SLC7A7: variants seen among roughly 807,000 people sequenced by gnomAD.
SLC7A7 encodes Y+L amino acid transporter 1.
In SLC7A7, 39 loss-of-function variants were observed where a neutral mutation model predicts 47.9. The ratio of observed to expected loss-of-function variants is 0.81; its 90% CI spans 0.63 to 1.06. The LOEUF (loss-of-function observed/expected upper bound fraction) is 1.06, where lower values mean the gene tolerates loss of function less well. Among genes scored for constraint, SLC7A7 ranks in the 50% least tolerant of loss-of-function variants. The pLI is 0.00. For synonymous variants in SLC7A7, 234 were observed against 242.8 expected, an observed-to-expected ratio of 0.96 and a Z score of 0.34; for missense variants, 588 against 632.0, an observed-to-expected ratio of 0.93 and a Z score of 0.75.
intron 2 of SLC7A7, among the ~76,000 whole-genome samples, chr14:22,802,586 C>T (rs67573838): frequency 0.2 from 30,688 of 152,034 alleles, 3,318 homozygotes; most frequent in South Asian, 0.28. Flanking sequence ...TAATAGGTCT[C>T]ATTGGTTGTA....
At chr14:22,780,738 C>T (rs192768828) in intron 2 of SLC7A7, among the ~76,000 whole-genome samples, 56 of 152,314 alleles carry the variant, frequency 3.7e-4, no homozygotes, top group African/African-American at 1.3e-3. Context: ...TTTAAAAGTA[C>T]CTTTTATCAG....
At chr14:22,806,896 T>TA (rs11395030) in intron 2 of SLC7A7, among the ~76,000 whole-genome samples, 3 of 8,732 alleles carry the variant, frequency 3.4e-4, no homozygotes, top group Non-Finnish European at 1.1e-3. Flanking sequence ...CACTGTTAAC[T>TA]TTTTTTTTTT....
intron 2 of SLC7A7, among the ~76,000 whole-genome samples, chr14:22,787,064 C>T (rs553955813): frequency 9.9e-5 from 15 of 152,224 alleles, no homozygotes; most frequent in Admixed American, 9.2e-4. Flanking sequence ...TTTATTAGTT[C>T]AAATCCCTTC....
At chr14:22,813,481 C>A in intron 1 of SLC7A7, 41 bp from the exon 2 acceptor site, 1 of 1,557,182 alleles carries the variant, frequency 6.4e-7, no homozygotes, top group East Asian at 2.3e-5. Flanking sequence ...AGGTGGTTGG[C>A]AATTACATAG....
At chr14:22,805,156 A>G (rs2039179934) in intron 2 of SLC7A7, among the ~76,000 whole-genome samples, 1 of 148,974 alleles carries the variant, frequency 6.7e-6, no homozygotes, top group Non-Finnish European at 1.5e-5. Flanking sequence ...CCACAAGGTC[A>G]GGAGTTCAAG....
At chr14:22,775,576 G>C in intron 6 of SLC7A7, 36 bp from the exon 7 acceptor site, 2 of 1,560,890 alleles carry the variant, frequency 1.3e-6, no homozygotes, top group South Asian at 2.2e-5. Context: ...TGAGAAAATT[G>C]GTGGACACGG....
intron 4 of SLC7A7, among the ~76,000 whole-genome samples, chr14:22,776,980 CAAA>C (rs34004476): frequency 1.4e-5 from 2 of 139,790 alleles, no homozygotes; most frequent in African/African-American, 5.3e-5. Context: ...AAAAACAAAC[CAAA>C]AAAAAAAAAA....
intron 2 of SLC7A7, among the ~76,000 whole-genome samples, chr14:22,790,099 T>A (rs537247558): frequency 3.3e-5 from 5 of 151,730 alleles, no homozygotes; most frequent in African/African-American, 1.2e-4. Flanking sequence ...GAGGCCAGGG[T>A]GGGCTGATCC....
intron 2 of SLC7A7, among the ~76,000 whole-genome samples, chr14:22,803,565 G>A (rs1162531105): frequency 6.6e-6 from 1 of 152,212 alleles, no homozygotes; most frequent in Non-Finnish European, 1.5e-5. Flanking sequence ...CTTCCTTGCA[G>A]AAGAAACAAA....
At chr14:22,790,003 A>G (rs1232342421) in intron 2 of SLC7A7, among the ~76,000 whole-genome samples, 2 of 152,130 alleles carry the variant, frequency 1.3e-5, no homozygotes, top group Non-Finnish European at 2.9e-5. Flanking sequence ...CAGCCACTCA[A>G]TTGGTGGTAA....
At chr14:22,812,422 C>T (rs1011298397) in intron 2 of SLC7A7, among the ~76,000 whole-genome samples, 9 of 151,900 alleles carry the variant, frequency 5.9e-5, no homozygotes, top group Admixed American at 4.6e-4. Context: ...CCACTTCAGC[C>T]TCCCAAAGTG....
At chr14:22,818,261 G>T (rs527687809), upstream of SLC7A7, among the ~76,000 whole-genome samples, 6 of 149,486 alleles carry the variant, frequency 4.0e-5, no homozygotes, top group African/African-American at 1.3e-4. Context: ...TCTGCTGGGG[G>T]TAAAACCCAC....
rs11568428 is a variant in SLC7A7, at chr14:22,779,873, G to A, written c.625+53C>T. ...GCACAAAGAGCACTTAGAGGAGTGC[G>A]GCTCACAGAAAATGCTTAAAAAAGA... is the stretch of plus-strand genomic sequence containing the variant. On this transcript the variant is annotated intron_variant, in intron 3 of 9. Coordinates refer to ENST00000674313, the MANE Select transcript of SLC7A7 (RefSeq NM_003982.4). 3,543 of 1,525,688 alleles carry A rather than the reference G, an allele frequency of 2.3e-3. 40 individuals carry two copies. The highest frequency in any genetic ancestry group is 0.021 in the Admixed American group (1,228 of 59,734). 94.5% of individuals were successfully genotyped at this position (1,525,688 alleles called of 1,614,324 possible). A position where few individuals can be genotyped will look rare whatever the true frequency, so the allele number is the denominator to read the frequency against.
At chr14:22,806,531 G>A (rs1326794959) in intron 2 of SLC7A7, among the ~76,000 whole-genome samples, 1 of 151,938 alleles carries the variant, frequency 6.6e-6, no homozygotes, top group African/African-American at 2.4e-5. Flanking sequence ...TGGATGCCCT[G>A]TCTACCTCAC....
At chr14:22,775,348 C>A in intron 7 of SLC7A7, 96 bp downstream of exon 7, 2 of 1,007,698 alleles carry the variant, frequency 2.0e-6, no homozygotes, top group East Asian at 2.4e-5. Flanking sequence ...CTATTGGAAT[C>A]TTTCAGAGCT....
intron 3 of SLC7A7, among the ~76,000 whole-genome samples, 163 bp from the exon 4 acceptor site, chr14:22,779,100 G>C (rs889653195): frequency 6.6e-6 from 1 of 152,206 alleles, no homozygotes; most frequent in African/African-American, 2.4e-5. Flanking sequence ...AAACAGAAGA[G>C]AGACGTCTAT....
upstream of SLC7A7, among the ~76,000 whole-genome samples, chr14:22,819,186 C>T (rs1270391460): frequency 2.6e-5 from 4 of 152,066 alleles, no homozygotes; most frequent in African/African-American, 9.7e-5. Flanking sequence ...CTCAGCCAAG[C>T]TCAGGGAACT....
chr14:22,806,098 G>A (rs139020837), intron 2 of SLC7A7, among the ~76,000 whole-genome samples: 1,063 of 103,790 alleles, frequency 0.01, 19 homozygotes, highest in African/African-American at 0.035. Context: ...TCCGCCTACT[G>A]ACATAGCGAG....
chr14:22,792,843 G>A (rs1257814530), intron 2 of SLC7A7, among the ~76,000 whole-genome samples: 1 of 141,406 alleles, frequency 7.1e-6, no homozygotes, highest in Non-Finnish European at 1.5e-5. Flanking sequence ...GGATGATAGT[G>A]TGAGGCCCCG....
Sources: gnomAD v4.1 joint callset for allele counts (sites outside exome capture counted in the v4.1 genomes callset) on GRCh38, gnomAD v4.1.1 for gene constraint, MANE v1.5 for transcripts, NCBI Gene and HGNC (gene_info 2026-07-23, HGNC 2026-07-21) for gene names.